The following JAK2 variants were observed in gnomAD, a reference collection of about 807,000 sequenced individuals.
The protein encoded by JAK2 is Janus kinase 2.
JAK2 carries 86 observed loss-of-function variants against 139.3 expected under a neutral mutation model. The ratio of observed to expected loss-of-function variants is 0.62; its 90% confidence interval spans 0.52 to 0.74. JAK2 has a LOEUF of 0.74. JAK2 is among the 30% of genes least tolerant of loss of function. The probability of loss-of-function intolerance (pLI) is 0.00; values close to 1 mark genes in which losing one functional copy is unlikely to be tolerated. For synonymous variants in JAK2, 490 were observed against 437.7 expected, an observed-to-expected ratio of 1.12 and a Z score of -1.49; for missense variants, 1,421 against 1,360.3, an observed-to-expected ratio of 1.04 and a Z score of -0.70.
At chr9:5,110,945 A>G (rs1822444156) in intron 22 of JAK2, 4 of 587,590 alleles carry the variant, frequency 6.8e-6, no homozygotes, top group Non-Finnish European at 1.3e-5. Flanking sequence ...GCATCCGTGG[A>G]CACGGACAAG....
intron 4 of JAK2, among the ~76,000 whole-genome samples, chr9:5,037,884 A>G (rs1299399622): frequency 6.6e-6 from 1 of 152,174 alleles, no homozygotes. Context: ...CAAATTGTAA[A>G]GATAGTTTCA....
At chr9:5,002,856 T>C (rs557335437) in intron 2 of JAK2, among the ~76,000 whole-genome samples, 1 of 152,160 alleles carries the variant, frequency 6.6e-6, no homozygotes, top group South Asian at 2.1e-4. Context: ...TTTTATGTTC[T>C]GCTTACAAGA....
chr9:5,025,262 A>G (rs1260159331), intron 3 of JAK2, among the ~76,000 whole-genome samples: 2 of 151,920 alleles, frequency 1.3e-5, no homozygotes, highest in African/African-American at 2.4e-5. Context: ...TTCTATCTAT[A>G]TTGGTGAGAT....
intron 18 of JAK2, among the ~76,000 whole-genome samples, chr9:5,081,105 C>A (rs910625724): frequency 6.6e-6 from 1 of 151,886 alleles, no homozygotes; most frequent in Non-Finnish European, 1.5e-5. Flanking sequence ...CCGTGTTAGC[C>A]AGGATGGTCT....
At chr9:5,117,300 T>C (rs16922648) in intron 22 of JAK2, among the ~76,000 whole-genome samples, 1,544 of 152,324 alleles carry the variant, frequency 0.01, 18 homozygotes, top group African/African-American at 0.036. Context: ...GTTCAGACCT[T>C]CTTTAGTAGA....
rs1288980331 is a variant in JAK2, at chr9:5,127,033, T to C, written c.*242T>C. ...ATTTTGTAAGAAGTTTCTTAAACAT[T>C]GTCAGTTAACATCACTCTTGTCTGG... On this transcript the variant is annotated 3_prime_UTR_variant, in exon 25 of 25. Transcript: ENST00000381652. 3.3e-6 allele frequency: 1 copy of C among 299,222 alleles called. No homozygotes were observed. Among genetic ancestry groups the C allele is most frequent in the African/African-American group, 2.1e-5 (1 of 46,554 alleles). The allele number at this position is 299,222 out of a possible 1,614,324, so 18.5% of individuals were successfully genotyped here.
chr9:5,129,731 T>A lies in JAK2; in HGVS notation c.*2940T>A, dbSNP rs982224849. On this transcript the variant is annotated 3_prime_UTR_variant, in exon 25 of 25. Coordinates refer to ENST00000381652, the MANE Select transcript of JAK2 (RefSeq NM_004972.4). ...TCAAGATAACTAGCTGCTAAGCGTT[T>A]CATAATTCTCACAGTGATATTAGAT... Among the ~76,000 whole-genome samples, 1 of 152,168 alleles carries A rather than the reference T, an allele frequency of 6.6e-6. No individual in the cohort carries two copies. The highest frequency in any genetic ancestry group is 1.5e-5 in the Non-Finnish European group (1 of 67,988).
intron 4 of JAK2, among the ~76,000 whole-genome samples, chr9:5,033,042 A>C (rs1823287685): frequency 6.6e-6 from 1 of 152,242 alleles, no homozygotes; most frequent in South Asian, 2.1e-4. Context: ...AATGCAGAGA[A>C]GTCCTTAAAG....
At chr9:5,106,437 A>C (rs1821959102) in intron 22 of JAK2, among the ~76,000 whole-genome samples, 1 of 152,244 alleles carries the variant, frequency 6.6e-6, no homozygotes, top group Non-Finnish European at 1.5e-5. Context: ...GAACACTTTC[A>C]CACTGTTGGT....
chr9:5,126,542 T>G lies in JAK2; in HGVS notation c.3291+96T>G, dbSNP rs12005968. 15,937 of 977,320 alleles carry G rather than the reference T, an allele frequency of 0.016. 1,639 individuals are homozygous for G. In the African/African-American group the frequency reaches 0.23, roughly 14 times the overall value. The allele number at this position is 977,320 out of a possible 1,614,324, so 60.5% of individuals were successfully genotyped here. Reference sequence around the variant, plus strand: ...CTTCCTGAAATTTAATGTGCGGAGCTTCCAGATAAACAGCATAATCAGATG... The same window carrying G: ...CTTCCTGAAATTTAATGTGCGGAGCGTCCAGATAAACAGCATAATCAGATG... On this transcript the variant is annotated intron_variant, in intron 24 of 24. Transcript: ENST00000381652.
intron 3 of JAK2, among the ~76,000 whole-genome samples, chr9:5,028,833 G>T (rs1822952521): frequency 6.6e-6 from 1 of 152,166 alleles, no homozygotes; most frequent in South Asian, 2.1e-4. Context: ...GACAATTAGG[G>T]CCTTGCTCTG....
Position 5,126,983 on chromosome 9 carries a change from C to T in JAK2, c.*192C>T. On this transcript the variant is annotated 3_prime_UTR_variant, in exon 25 of 25. Coordinates refer to ENST00000381652, the MANE Select transcript of JAK2 (RefSeq NM_004972.4). Reference sequence around the variant, plus strand: ...TCTTCATGAGGCCACCAGTAAAAGACATTAATGAGAATTCCTTAGCAAGGA... The same window carrying T: ...TCTTCATGAGGCCACCAGTAAAAGATATTAATGAGAATTCCTTAGCAAGGA... 3.0e-6 allele frequency: 1 copy of T among 338,874 alleles called. No individual in the cohort carries two copies. The allele number at this position is 338,874 out of a possible 1,614,324, so 21.0% of individuals were successfully genotyped here. A position where few individuals can be genotyped will look rare whatever the true frequency, so the allele number is the denominator to read the frequency against.
chr9:5,045,159 G>C (rs1053879349), intron 5 of JAK2, among the ~76,000 whole-genome samples: 1 of 152,136 alleles, frequency 6.6e-6, no homozygotes, highest in Admixed American at 6.5e-5. Context: ...TGTGCTGCTA[G>C]ACTAGTAGGA....
chr9:5,041,740 C>T (rs1036332452), intron 4 of JAK2: 22 of 491,996 alleles, frequency 4.5e-5, no homozygotes, highest in Non-Finnish European at 8.5e-5. Context: ...CCCTTGGCGA[C>T]CCCCATCAGC....
At position 5,129,727 on chromosome 9, in the gene JAK2, C is replaced by T. The variant is rs1214428157; in HGVS notation, c.*2936C>T. ...AATATCAAGATAACTAGCTGCTAAGCGTTTCATAATTCTCACAGTGATATT... is the reference window on the plus strand; with the variant it reads ...AATATCAAGATAACTAGCTGCTAAGTGTTTCATAATTCTCACAGTGATATT... On this transcript the variant is annotated 3_prime_UTR_variant, in exon 25 of 25. Coordinates refer to ENST00000381652, the MANE Select transcript of JAK2 (RefSeq NM_004972.4). Among the ~76,000 whole-genome samples the T allele has an allele frequency of 1.3e-5, 2 of 152,046 alleles. No homozygotes were observed. Among genetic ancestry groups the T allele is most frequent in the Admixed American group, 6.6e-5 (1 of 15,262 alleles).
At chr9:5,051,789 C>T (rs539127671) in intron 6 of JAK2, among the ~76,000 whole-genome samples, 1 of 152,198 alleles carries the variant, frequency 6.6e-6, no homozygotes, top group South Asian at 2.1e-4. Context: ...CATTTCTTTG[C>T]CATGTCATCA....
intron 19 of JAK2, among the ~76,000 whole-genome samples, chr9:5,088,836 C>T (rs1323916595): frequency 1.3e-5 from 2 of 152,104 alleles, no homozygotes; most frequent in Non-Finnish European, 2.9e-5. Flanking sequence ...CATTAGAGTT[C>T]CACCCTTATA....
intron 4 of JAK2, among the ~76,000 whole-genome samples, chr9:5,032,060 C>G (rs1250143584): frequency 6.6e-6 from 1 of 152,248 alleles, no homozygotes; most frequent in Non-Finnish European, 1.5e-5. Flanking sequence ...CACTCCCACT[C>G]TAATACTGCG....
rs1380385662 is a variant in JAK2 at position 5,127,869 on chromosome 9, T to G, written c.*1078T>G. The G allele has an allele frequency of 8.6e-6, 2 of 232,436 alleles. No individual in the cohort carries two copies. Among genetic ancestry groups the G allele is most frequent in the Non-Finnish European group, 1.7e-5 (2 of 117,450 alleles). The allele number at this position is 232,436 out of a possible 1,614,324, so 14.4% of individuals were successfully genotyped here. On this transcript the variant is annotated 3_prime_UTR_variant, in exon 25 of 25. Coordinates refer to ENST00000381652, the MANE Select transcript of JAK2 (RefSeq NM_004972.4). The stretch of plus-strand genomic sequence containing the variant: ...AGTCATAGAAGAGATTTATTTCCTT[T>G]TTAGAGGGGAAATGAGGTAAATAAG...
Sources: allele counts gnomAD v4.1 joint callset (sites outside exome capture counted in the v4.1 genomes callset), GRCh38; gene constraint gnomAD v4.1.1; transcripts MANE v1.5; gene names NCBI Gene and HGNC (gene_info 2026-07-23, HGNC 2026-07-21).